SLFN12: variants seen among roughly 807,000 people sequenced by gnomAD.
SLFN12 encodes the protein ribonuclease SLFN12.
Under a neutral mutation model 29.1 loss-of-function variants are expected in SLFN12, and 25 were observed. The observed-to-expected ratio is 0.86, with a 90% CI of 0.63 to 1.20. The LOEUF is 1.20. Among genes scored for constraint, SLFN12 ranks in the 50% most tolerant of loss-of-function variants. The pLI, the probability that SLFN12 is intolerant of heterozygous loss-of-function variation, is 0.00. For synonymous variants in SLFN12, 257 were observed against 238.7 expected (o/e 1.08, Z -0.71); for missense variants, 660 against 666.2 (o/e 0.99, Z 0.10).
At position 35,431,016 on chromosome 17, in the gene SLFN12, A is replaced by G. The variant is rs115891998; in HGVS notation, c.-41+1172T>C. Among the ~76,000 whole-genome samples the G allele has an allele frequency of 9.3e-3, 1,420 of 152,242 alleles. 19 individuals carry two copies. Among genetic ancestry groups the G allele is most frequent in the African/African-American group, 0.033 (1,365 of 41,544 alleles). On this transcript the variant is annotated intron_variant, in intron 1 of 3. Coordinates refer to ENST00000304905, the MANE Select transcript of SLFN12 (RefSeq NM_018042.5). The stretch of plus-strand genomic sequence containing the variant: ...TGAAGGGGTTGATTGTTCTCAGTGA[A>G]CCATAAAAAGCTTTCTTTACCTGGT...
intron 3 of SLFN12, among the ~76,000 whole-genome samples, chr17:35,415,120 A>G (rs1412483420): frequency 1.3e-5 from 2 of 152,160 alleles, no homozygotes; most frequent in East Asian, 3.8e-4. Flanking sequence ...ATTATGCTAC[A>G]AAGCTATAGT....
At position 35,411,716 on chromosome 17, in the gene SLFN12, T is replaced by A; in HGVS notation, c.1359A>T (p.Pro453=). The A allele has an allele frequency of 6.2e-7, 1 of 1,614,066 alleles. No homozygotes were observed. Among genetic ancestry groups the A allele is most frequent in the Non-Finnish European group, 8.5e-7 (1 of 1,180,006 alleles). Residue 453 remains proline (P), a synonymous_variant, in exon 4 of 4, where the codon CCA becomes CCT. Transcript: ENST00000304905. Reference sequence around the variant, plus strand: ...GTACCATGTGGAAGGTGTATAGGACTGGAGGACTGTCCTGGGAAATCAGAA... The same window carrying A: ...GTACCATGTGGAAGGTGTATAGGACAGGAGGACTGTCCTGGGAAATCAGAA... ...DALLISQDSP[P]VLYTFHMVQD... is the part of the protein sequence containing the mutation.
intron 2 of SLFN12, among the ~76,000 whole-genome samples, chr17:35,421,683 G>A (rs1393106887): frequency 6.6e-6 from 1 of 151,752 alleles, no homozygotes. Flanking sequence ...GGGACTACAG[G>A]CACGTGCCAT....
intron 1 of SLFN12, among the ~76,000 whole-genome samples, chr17:35,426,894 C>T (rs1044454135): frequency 6.6e-6 from 1 of 152,132 alleles, no homozygotes; most frequent in Non-Finnish European, 1.5e-5. Flanking sequence ...CAAAGAATCT[C>T]ACCCCAGCTC....
intron 3 of SLFN12, among the ~76,000 whole-genome samples, 186 bp from the exon 4 acceptor site, chr17:35,412,113 G>A (rs970612644): frequency 2.0e-5 from 3 of 152,084 alleles, no homozygotes; most frequent in African/African-American, 7.2e-5. Flanking sequence ...AAGTGCCACA[G>A]TCTTTGATAG....
chr17:35,415,625 G>A (rs953565432), intron 3 of SLFN12, among the ~76,000 whole-genome samples: 12 of 151,930 alleles, frequency 7.9e-5, no homozygotes, highest in African/African-American at 2.9e-4. Flanking sequence ...ACAAATGACT[G>A]ATATCCAGAA....
Position 35,411,513 on chromosome 17 carries a change from G to A in SLFN12, c.1562C>T (p.Ser521Phe). Reference sequence around the variant, plus strand: ...GTATTTCCTTCTTGTAAAATAGTAGGATTCAGGGTAAATTACTTGCGACCT... The same window carrying A: ...GTATTTCCTTCTTGTAAAATAGTAGAATTCAGGGTAAATTACTTGCGACCT... ...DLRSQVIYPE[S>F]YYFTRRKYLL... Residue 521 changes from serine (S) to phenylalanine (F), a missense_variant, in exon 4 of 4, where the codon TCC becomes TTC. Coordinates refer to ENST00000304905, the MANE Select transcript of SLFN12 (RefSeq NM_018042.5). The A allele has an allele frequency of 6.2e-7, 1 of 1,613,982 alleles. No individual in the cohort carries two copies. Among genetic ancestry groups the A allele is most frequent in the Non-Finnish European group, 8.5e-7 (1 of 1,179,988 alleles).
rs1849733 is a variant in SLFN12 at position 35,422,900 on chromosome 17, A to C, written c.129T>G (p.Ser43Arg). The C allele has an allele frequency of 0.48, 769,736 of 1,613,470 alleles. 188,376 individuals carry two copies. The highest frequency in any genetic ancestry group is 0.5 in the Non-Finnish European group (588,908 of 1,179,762). ...DCKLRKKQNE[S>R]VSRAMCALLN... ...GCAGAGCACACATAGCTCGTGAGAC[A>C]CTTTCATTCTGCTTTTTTCTCAGTT... The change falls in exon 2 of 4, where the codon AGT (serine) becomes AGG (arginine). Residue 43 changes from serine to arginine, a missense_variant. Coordinates refer to ENST00000304905, the MANE Select transcript of SLFN12 (RefSeq NM_018042.5).
At chr17:35,416,521 C>T (rs1027367667) in intron 3 of SLFN12, among the ~76,000 whole-genome samples, 1 of 151,960 alleles carries the variant, frequency 6.6e-6, no homozygotes, top group African/African-American at 2.4e-5. Flanking sequence ...TAAAAATTAA[C>T]ATATAAGATA....
chr17:35,428,454 T>C (rs1912132501), intron 1 of SLFN12, among the ~76,000 whole-genome samples: 1 of 152,026 alleles, frequency 6.6e-6, no homozygotes, highest in South Asian at 2.1e-4. Flanking sequence ...TTACAGAACT[T>C]TTCCCCTGTA....
intron 1 of SLFN12, among the ~76,000 whole-genome samples, chr17:35,425,838 CTTTTT>C (rs58492425): frequency 8.2e-3 from 319 of 39,126 alleles, no homozygotes; most frequent in Non-Finnish European, 0.011. Context: ...CTTTTCTTTT[CTTTTT>C]TTTTTTTTTT....
At chr17:35,425,929 A>G (rs1350063447) in intron 1 of SLFN12, among the ~76,000 whole-genome samples, 1 of 138,790 alleles carries the variant, frequency 7.2e-6, no homozygotes, top group Non-Finnish European at 1.5e-5. Context: ...ATAGTGTGCA[A>G]TGGTTCTCTT....
Position 35,422,494 on chromosome 17 carries a change from C to A in SLFN12, c.535G>T (p.Ala179Ser), listed in dbSNP as rs762774482. The A allele has an allele frequency of 1.9e-6, 3 of 1,613,140 alleles. No individual in the cohort carries two copies. The highest frequency in any genetic ancestry group is 2.2e-5 in the East Asian group (1 of 44,894). ...CTATCAAAAAAAACCCCGGCCAAGG[C>A]CTTCATGTTATTTTCTTCTTGTATA... ...VDIQEENNMK[A>S]LAGVFFDRTE... Residue 179 changes from alanine (A) to serine (S), a missense_variant, in exon 2 of 4, where the codon GCC becomes TCC. By Grantham distance (99) the Ala-to-Ser change is moderately conservative. Transcript: ENST00000304905.
chr17:35,417,860 AT>A lies in SLFN12; in HGVS notation c.1147+2413del, dbSNP rs574853267. ...CAAGAAAATGGAACTTTTAAAAAAAATATCTTTACAACAACAAAAATAAAAG... is the reference window on the plus strand; with the variant it reads ...CAAGAAAATGGAACTTTTAAAAAAAAATCTTTACAACAACAAAAATAAAAG... On this transcript the variant is annotated intron_variant, in intron 3 of 3. Coordinates refer to ENST00000304905, the MANE Select transcript of SLFN12 (RefSeq NM_018042.5). Among the ~76,000 whole-genome samples, 347 of 152,172 alleles carry A rather than the reference AT, an allele frequency of 2.3e-3. 2 individuals are homozygous for A. The highest frequency in any genetic ancestry group is 7.7e-3 in the African/African-American group (320 of 41,570).
intron 1 of SLFN12, among the ~76,000 whole-genome samples, chr17:35,431,209 C>G (rs1190829800): frequency 6.6e-6 from 1 of 152,102 alleles, no homozygotes; most frequent in East Asian, 1.9e-4. Context: ...TTTGAGAAAC[C>G]AAACATTGGT....
chr17:35,426,197 T>G (rs1912013124), intron 1 of SLFN12, among the ~76,000 whole-genome samples: 1 of 151,732 alleles, frequency 6.6e-6, no homozygotes, highest in Non-Finnish European at 1.5e-5. Context: ...GATATTAACC[T>G]CTTATCAGAT....
rs1032178756 is a variant in SLFN12, at chr17:35,418,954, G to A, written c.1147+1320C>T. ...GTGATCTCAGCCCACTGCAAGCTCC[G>A]CCTCCTGGATTCAAATGATTCTTGT... On this transcript the variant is annotated intron_variant, in intron 3 of 3. Coordinates refer to ENST00000304905, the MANE Select transcript of SLFN12 (RefSeq NM_018042.5). Among the ~76,000 whole-genome samples the A allele has an allele frequency of 6.6e-5, 10 of 151,944 alleles. No homozygotes were observed. In the East Asian group the frequency reaches 1.2e-3, roughly 18 times the overall value.
Position 35,422,867 on chromosome 17 carries a change from A to G in SLFN12, c.162T>C (p.Ser54=), listed in dbSNP as rs1199141684. The G allele has an allele frequency of 6.2e-7, 1 of 1,613,950 alleles. No homozygotes were observed. Among genetic ancestry groups the G allele is most frequent in the African/African-American group, 1.3e-5 (1 of 74,950 alleles). ...VSRAMCALLN[S]GGGVIKAEIE... is the part of the protein sequence containing the mutation. ...TTTCAGCCTTGATCACTCCCCCTCC[A>G]GAATTGAGCAGAGCACACATAGCTC... Residue 54 remains serine (S), a synonymous_variant, in exon 2 of 4, where the codon TCT becomes TCC. Transcript: ENST00000304905.
chr17:35,422,893 G>A lies in SLFN12; in HGVS notation c.136C>T (p.Arg46Ter), dbSNP rs142611693. Reference protein sequence around the residue: ...LRKKQNESVSRAMCALLNSGG... With the variant: ...LRKKQNESVS ...GAATTGAGCAGAGCACACATAGCTC[G>A]TGAGACACTTTCATTCTGCTTTTTT... Residue 46 changes from arginine (R) to a stop codon, truncating the protein, a stop_gained, in exon 2 of 4, where the codon CGA becomes TGA. Coordinates refer to ENST00000304905, the MANE Select transcript of SLFN12 (RefSeq NM_018042.5). LOFTEE classifies it high-confidence loss of function. 19 of 1,613,932 alleles carry A rather than the reference G, an allele frequency of 1.2e-5. No individual in the cohort carries two copies. Among genetic ancestry groups the A allele is most frequent in the Admixed American group, 1.7e-5 (1 of 60,004 alleles).
Sources: gnomAD v4.1 joint callset for allele counts (sites outside exome capture counted in the v4.1 genomes callset) on GRCh38, gnomAD v4.1.1 for gene constraint, MANE v1.5 for transcripts, NCBI Gene and HGNC (gene_info 2026-07-23, HGNC 2026-07-21) for gene names.